ASB7: variants seen among roughly 807,000 people sequenced by gnomAD.
ASB7 encodes the protein ankyrin repeat and SOCS box protein 7.
In ASB7, 4 loss-of-function variants were observed where a neutral mutation model predicts 32.5. The observed-to-expected ratio is 0.12, with a 90% CI of 0.06 to 0.28. ASB7 has a LOEUF of 0.28. ASB7 is among the 10% of genes least tolerant of loss of function. The pLI is 1.00. For missense variants in ASB7, 181 were observed against 407.1 expected, an observed-to-expected ratio of 0.44 and a Z score of 4.78; for synonymous variants, 172 against 155.6, an observed-to-expected ratio of 1.11 and a Z score of -0.78.
At chr15:100,614,760 A>G (rs1482854253) in intron 4 of ASB7, among the ~76,000 whole-genome samples, 1 of 151,716 alleles carries the variant, frequency 6.6e-6, no homozygotes, top group Non-Finnish European at 1.5e-5. Context: ...AAAAAAAAAA[A>G]AGCAAAAAAG....
chr15:100,619,678 A>G (rs1192890263), intron 4 of ASB7, among the ~76,000 whole-genome samples: 1 of 152,230 alleles, frequency 6.6e-6, no homozygotes, highest in African/African-American at 2.4e-5. Flanking sequence ...TACTAATGTT[A>G]AATTCATATA....
chr15:100,630,314 T>A (rs904033292), intron 5 of ASB7: 17 of 608,230 alleles, frequency 2.8e-5, no homozygotes, highest in African/African-American at 7.8e-5. Flanking sequence ...GAATTTTTTT[T>A]AAATGAACAA....
At position 100,624,993 on chromosome 15, in the gene ASB7, C is replaced by T. The variant is rs114193446; in HGVS notation, c.212-4444C>T. Among the ~76,000 whole-genome samples, 553 of 152,258 alleles carry T rather than the reference C, an allele frequency of 3.6e-3. 4 individuals are homozygous for T. Among genetic ancestry groups the T allele is most frequent in the African/African-American group, 0.013 (530 of 41,548 alleles). On this transcript the variant is annotated intron_variant, in intron 4 of 5. Transcript: ENST00000332783. Reference sequence around the variant, plus strand: ...AATCAATAGGCTGAGTAATTTGTCACATTAGAATAAAACATAAATACCTAA... The same window carrying T: ...AATCAATAGGCTGAGTAATTTGTCATATTAGAATAAAACATAAATACCTAA...
chr15:100,636,079 TCA>T (rs1183136324), intron 5 of ASB7, among the ~76,000 whole-genome samples: 1 of 152,198 alleles, frequency 6.6e-6, no homozygotes, highest in East Asian at 1.9e-4. Context: ...ACCAGTCAAT[TCA>T]CAGTCAAATT....
At chr15:100,628,194 C>T (rs894304593) in intron 4 of ASB7, among the ~76,000 whole-genome samples, 8 of 152,090 alleles carry the variant, frequency 5.3e-5, no homozygotes, top group South Asian at 2.1e-4. Flanking sequence ...TATGGCTTAC[C>T]TAAAAACATC....
At chr15:100,623,080 A>G (rs1007309800) in intron 4 of ASB7, among the ~76,000 whole-genome samples, 2 of 152,224 alleles carry the variant, frequency 1.3e-5, no homozygotes, top group African/African-American at 2.4e-5. Context: ...GGAACTCAAC[A>G]GTAAAAACAA....
At chr15:100,636,712 A>G (rs992048481) in intron 5 of ASB7, among the ~76,000 whole-genome samples, 1 of 152,234 alleles carries the variant, frequency 6.6e-6, no homozygotes, top group East Asian at 1.9e-4. Flanking sequence ...CTTAAAGGCT[A>G]TGATTTTCTG....
At position 100,648,838 on chromosome 15, in the gene ASB7, C is replaced by G. The variant is rs1450458025; in HGVS notation, c.*376C>G. On this transcript the variant is annotated 3_prime_UTR_variant, in exon 6 of 6. Transcript: ENST00000332783. Reference sequence around the variant, plus strand: ...TGGTAAGCACGGTATTCTAAACCAGCAGAGCACTTGTTAACGTTTGGAGGC... The same window carrying G: ...TGGTAAGCACGGTATTCTAAACCAGGAGAGCACTTGTTAACGTTTGGAGGC... The G allele has an allele frequency of 6.4e-6, 1 of 155,480 alleles. No individual in the cohort carries two copies. Among genetic ancestry groups the G allele is most frequent in the Non-Finnish European group, 1.4e-5 (1 of 70,232 alleles). 9.6% of individuals were successfully genotyped at this position (155,480 alleles called of 1,614,324 possible).
intron 5 of ASB7, among the ~76,000 whole-genome samples, chr15:100,643,636 C>A (rs376747938): frequency 4.0e-5 from 6 of 151,344 alleles, no homozygotes; most frequent in Admixed American, 2.6e-4. Context: ...ATTACAGGTG[C>A]CCGCCACCAC....
At chr15:100,625,861 G>C (rs1171672877) in intron 4 of ASB7, among the ~76,000 whole-genome samples, 1 of 152,160 alleles carries the variant, frequency 6.6e-6, no homozygotes, top group African/African-American at 2.4e-5. Context: ...AAGAAATAGA[G>C]CGACACTTTT....
Position 100,648,605 on chromosome 15 carries a change from T to C in ASB7, c.*143T>C. 1.6e-6 allele frequency: 1 copy of C among 643,308 alleles called. No individual in the cohort carries two copies. The highest frequency in any genetic ancestry group is 4.5e-4 in the Middle Eastern group (1 of 2,240). 39.8% of individuals were successfully genotyped at this position (643,308 alleles called of 1,614,324 possible). On this transcript the variant is annotated 3_prime_UTR_variant, in exon 6 of 6. Coordinates refer to ENST00000332783, the MANE Select transcript of ASB7 (RefSeq NM_198243.3). The stretch of plus-strand genomic sequence containing the variant: ...ATACACTTTTGGGTTTTCTGTTTGT[T>C]TGGTTGGTTTTCATTGTAGGGGAGG...
intron 5 of ASB7, 187 bp downstream of exon 5, chr15:100,630,229 T>C (rs1470166388): frequency 3.1e-6 from 4 of 1,292,262 alleles, no homozygotes; most frequent in Non-Finnish European, 4.0e-6. Flanking sequence ...TTCATAAAAA[T>C]TCAATTGTGT....
rs2040028661 is a variant in ASB7 at position 100,651,052 on chromosome 15, T to C, written c.*2590T>C. 6.6e-6 allele frequency: 1 copy of C among 152,254 alleles called. No homozygotes were observed. The highest frequency in any genetic ancestry group is 2.1e-4 in the South Asian group (1 of 4,832). The allele number at this position is 152,254 out of a possible 1,614,324, so 9.4% of individuals were successfully genotyped here. A position where few individuals can be genotyped will look rare whatever the true frequency, so the allele number is the denominator to read the frequency against. On this transcript the variant is annotated 3_prime_UTR_variant, in exon 6 of 6. Coordinates refer to ENST00000332783, the MANE Select transcript of ASB7 (RefSeq NM_198243.3). Reference sequence around the variant, plus strand: ...TATTTTCAAATTTGTCAGATTCTTTTATGTTTCCTTTGAAATTTATTATTT... The same window carrying C: ...TATTTTCAAATTTGTCAGATTCTTTCATGTTTCCTTTGAAATTTATTATTT...
At position 100,651,276 on chromosome 15, in the gene ASB7, A is replaced by G. The variant is rs1267766197; in HGVS notation, c.*2814A>G. The G allele has an allele frequency of 6.6e-6, 1 of 150,918 alleles. No individual in the cohort carries two copies. 9.3% of individuals were successfully genotyped at this position (150,918 alleles called of 1,614,324 possible). The stretch of plus-strand genomic sequence containing the variant: ...GTTTTTTAGATTATTTAATTCCCAT[A>G]TTTCTAAACTATTTACTACACAGTA... On this transcript the variant is annotated 3_prime_UTR_variant, in exon 6 of 6. Coordinates refer to ENST00000332783, the MANE Select transcript of ASB7 (RefSeq NM_198243.3).
At chr15:100,633,723 G>C (rs2039902205) in intron 5 of ASB7, among the ~76,000 whole-genome samples, 1 of 152,140 alleles carries the variant, frequency 6.6e-6, no homozygotes, top group Non-Finnish European at 1.5e-5. Context: ...AGAAATAAAT[G>C]GTAGTGAGGA....
chr15:100,612,213 T>C lies in ASB7; in HGVS notation c.-4T>C. ...ATCCTTTGTAAAAAGTGGACTCAGCTAGGATGTTACACCATCATTGTCGAA... is the reference window on the plus strand; with the variant it reads ...ATCCTTTGTAAAAAGTGGACTCAGCCAGGATGTTACACCATCATTGTCGAA... On this transcript the variant is annotated 5_prime_UTR_variant, in exon 4 of 6. Transcript: ENST00000332783. The C allele has an allele frequency of 6.2e-7, 1 of 1,611,084 alleles. No individual in the cohort carries two copies. The highest frequency in any genetic ancestry group is 8.5e-7 in the Non-Finnish European group (1 of 1,177,486).
chr15:100,634,317 A>C (rs991345235), intron 5 of ASB7, among the ~76,000 whole-genome samples: 1 of 152,274 alleles, frequency 6.6e-6, no homozygotes, highest in Non-Finnish European at 1.5e-5. Context: ...ATACGTATTC[A>C]CGTGTACACA....
intron 5 of ASB7, among the ~76,000 whole-genome samples, chr15:100,647,555 A>C (rs773789878): frequency 2.0e-5 from 3 of 152,210 alleles, no homozygotes; most frequent in Non-Finnish European, 4.4e-5. Flanking sequence ...TTCCAAAGGG[A>C]AAGAAATAGG....
intron 5 of ASB7, among the ~76,000 whole-genome samples, chr15:100,639,258 G>A (rs1227185686): frequency 2.0e-5 from 3 of 152,152 alleles, no homozygotes; most frequent in African/African-American, 4.8e-5. Context: ...GTGCTTTCTG[G>A]AACATTAATC....
Sources: allele counts gnomAD v4.1 joint callset (sites outside exome capture counted in the v4.1 genomes callset), GRCh38; gene constraint gnomAD v4.1.1; transcripts MANE v1.5; gene names NCBI Gene and HGNC (gene_info 2026-07-23, HGNC 2026-07-21).